EPHA3: variants seen among roughly 807,000 people sequenced by gnomAD.
EPHA3 encodes ephrin type-A receptor 3.
In EPHA3, 42 loss-of-function variants were observed where a neutral mutation model predicts 107.1. The ratio of observed to expected loss-of-function variants is 0.39; its 90% CI spans 0.31 to 0.51. The LOEUF is 0.51. Among genes scored for constraint, EPHA3 ranks in the 20% least tolerant of loss-of-function variants. The probability of loss-of-function intolerance (pLI) is 0.78; values close to 1 mark genes in which losing one functional copy is unlikely to be tolerated. For synonymous variants in EPHA3, 461 were observed against 424.8 expected (o/e 1.09, Z -1.05); for missense variants, 1,183 against 1,211.2 (o/e 0.98, Z 0.35).
chr3:89,434,189 CT>C (rs1709621572), intron 13 of EPHA3, among the ~76,000 whole-genome samples: 3 of 152,018 alleles, frequency 2.0e-5, no homozygotes, highest in Admixed American at 1.3e-4. Flanking sequence ...GTTCTAATTT[CT>C]ATGCCATATT....
chr3:89,159,842 T>C (rs577695140), intron 2 of EPHA3, among the ~76,000 whole-genome samples: 3 of 152,086 alleles, frequency 2.0e-5, no homozygotes, highest in Non-Finnish European at 4.4e-5. Flanking sequence ...TGTGTTGAGG[T>C]ATAAAGGAGA....
chr3:89,140,958 T>G (rs975853659), intron 2 of EPHA3, among the ~76,000 whole-genome samples: 1 of 151,662 alleles, frequency 6.6e-6, no homozygotes, highest in Non-Finnish European at 1.5e-5. Context: ...GTGCTTTCGA[T>G]ATATCATTTC....
intron 3 of EPHA3, among the ~76,000 whole-genome samples, chr3:89,246,471 C>G (rs1705036544): frequency 6.6e-6 from 1 of 151,336 alleles, no homozygotes; most frequent in Non-Finnish European, 1.5e-5. Context: ...TGACATAGGA[C>G]ACAGCTGTCT....
Position 89,211,728 on chromosome 3 carries a change from CT to C in EPHA3, c.814+1210del, listed in dbSNP as rs1559602857. On this transcript the variant is annotated intron_variant, in intron 3 of 16. Transcript: ENST00000336596. ...TCTTCCTCTTCCTCTTCTTCTTTTTCTTCTTCTTCTTCTCCTTCTTCTTCTT... is the reference window on the plus strand; with the variant it reads ...TCTTCCTCTTCCTCTTCTTCTTTTTCTCTTCTTCTTCTCCTTCTTCTTCTT... Among the ~76,000 whole-genome samples, 23 of 9,978 alleles carry C rather than the reference CT, an allele frequency of 2.3e-3. 1 individual carries two copies. The Admixed American group carries it at 0.03, about 13-fold the overall frequency. The allele number at this position is 9,978 out of a possible 152,430, so 6.5% of individuals were successfully genotyped here.
At chr3:89,292,631 T>C (rs1706241100) in intron 3 of EPHA3, among the ~76,000 whole-genome samples, 1 of 152,202 alleles carries the variant, frequency 6.6e-6, no homozygotes, top group South Asian at 2.1e-4. Flanking sequence ...CTTAACTCTA[T>C]TTGATCTATA....
chr3:89,160,258 T>TA (rs1432110748), intron 2 of EPHA3, among the ~76,000 whole-genome samples: 2 of 152,024 alleles, frequency 1.3e-5, no homozygotes, highest in African/African-American at 4.8e-5. Context: ...AAACATATAA[T>TA]AAATACATAA....
At chr3:89,390,375 G>C (rs114966285) in intron 5 of EPHA3, among the ~76,000 whole-genome samples, 2,438 of 152,212 alleles carry the variant, frequency 0.016, 69 homozygotes, top group African/African-American at 0.055. Flanking sequence ...AAGGCAAACA[G>C]ATCACTTGAG....
intron 10 of EPHA3, among the ~76,000 whole-genome samples, chr3:89,415,467 AAT>A (rs71621548): frequency 0.022 from 2,830 of 131,514 alleles, 39 homozygotes; most frequent in Non-Finnish European, 0.026. Flanking sequence ...TTACAGAAAG[AAT>A]ATATATATAT....
chr3:89,341,770 C>A lies in EPHA3; in HGVS notation c.986C>A (p.Pro329Gln). Residue 329 changes from proline (P) to glutamine (Q), a missense_variant, in exon 5 of 17, where the codon CCA (proline) becomes CAA (glutamine). Pro to Gln is a moderately conservative substitution (Grantham distance 76, BLOSUM62 -1). Transcript: ENST00000336596. ...SMACTRPPSS[P>Q]RNVISNINET... Reference sequence around the variant, plus strand: ...TACTTTGCAGGACCTCCATCTTCACCAAGAAATGTTATCTCTAATATAAAC... The same window carrying A: ...TACTTTGCAGGACCTCCATCTTCACAAAGAAATGTTATCTCTAATATAAAC... The A allele has an allele frequency of 1.2e-6, 2 of 1,609,606 alleles. No individual in the cohort carries two copies. The highest frequency in any genetic ancestry group is 1.7e-6 in the Non-Finnish European group (2 of 1,177,522).
intron 6 of EPHA3, among the ~76,000 whole-genome samples, chr3:89,398,857 C>T (rs555263934): frequency 2.0e-5 from 3 of 152,132 alleles, no homozygotes; most frequent in African/African-American, 7.2e-5. Context: ...GGGACAGGTG[C>T]GGTGGCTCAT....
chr3:89,192,501 A>G lies in EPHA3; in HGVS notation c.154-17359A>G, dbSNP rs529532808. Among the ~76,000 whole-genome samples the G allele has an allele frequency of 5.3e-3, 801 of 152,190 alleles. 4 individuals are homozygous for G. The highest frequency in any genetic ancestry group is 8.0e-3 in the Non-Finnish European group (541 of 67,958). ...AGAAATATTTTATGTACCAAAATAT[A>G]TTCATATATGTATACACATCAAGTA... On this transcript the variant is annotated intron_variant, in intron 2 of 16. Transcript: ENST00000336596.
Position 89,363,339 on chromosome 3 carries a change from G to A in EPHA3, c.1306+21249G>A, listed in dbSNP as rs543372101. On this transcript the variant is annotated intron_variant, in intron 5 of 16. Coordinates refer to ENST00000336596, the MANE Select transcript of EPHA3 (RefSeq NM_005233.6). ...TTAAGGAATAGGCTCATGTGATTGT[G>A]GAGGCTGCCAAATCCACAGACTGCA... is the stretch of plus-strand genomic sequence containing the variant. 8.2e-4 allele frequency among the ~76,000 whole-genome samples: 124 copies of A among 150,750 alleles called. 1 individual carries two copies. The highest frequency in any genetic ancestry group is 2.9e-3 in the African/African-American group (120 of 41,396).
At chr3:89,260,558 G>GT (rs1473480332) in intron 3 of EPHA3, among the ~76,000 whole-genome samples, 1 of 151,944 alleles carries the variant, frequency 6.6e-6, no homozygotes, top group Non-Finnish European at 1.5e-5. Context: ...GAGTTGTAGG[G>GT]TTTTTTAATA....
At chr3:89,117,919 T>C (rs1707293734) in intron 1 of EPHA3, among the ~76,000 whole-genome samples, 1 of 152,082 alleles carries the variant, frequency 6.6e-6, no homozygotes. Flanking sequence ...TTTGCTTTTT[T>C]TACAGAATAA....
At chr3:89,176,296 A>G (rs1012280981) in intron 2 of EPHA3, among the ~76,000 whole-genome samples, 13 of 151,988 alleles carry the variant, frequency 8.6e-5, no homozygotes, top group Admixed American at 7.9e-4. Flanking sequence ...AGCCTGGCCA[A>G]CATATAGTGA....
At chr3:89,262,041 AGTTT>A (rs1446067795) in intron 3 of EPHA3, among the ~76,000 whole-genome samples, 1 of 152,096 alleles carries the variant, frequency 6.6e-6, no homozygotes, top group African/African-American at 2.4e-5. Context: ...AATATGCAAT[AGTTT>A]AAGTCACAAT....
At chr3:89,109,528 T>C (rs998446243) in intron 1 of EPHA3, among the ~76,000 whole-genome samples, 1 of 151,986 alleles carries the variant, frequency 6.6e-6, no homozygotes, top group Non-Finnish European at 1.5e-5. Flanking sequence ...GAATTAATTA[T>C]GCACAAGAAT....
intron 2 of EPHA3, among the ~76,000 whole-genome samples, chr3:89,170,954 T>A (rs2107096717): frequency 6.6e-6 from 1 of 151,782 alleles, no homozygotes; most frequent in South Asian, 2.1e-4. Context: ...TTTTTTTTTT[T>A]AAGAATTGAA....
At chr3:89,269,167 G>A (rs62274984) in intron 3 of EPHA3, among the ~76,000 whole-genome samples, 33,336 of 151,908 alleles carry the variant, frequency 0.22, 3,982 homozygotes, top group Non-Finnish European at 0.27. Context: ...AGTGCCTTAC[G>A]TGGGGTAAAC....
Sources: allele counts gnomAD v4.1 joint callset (sites outside exome capture counted in the v4.1 genomes callset), GRCh38; gene constraint gnomAD v4.1.1; transcripts MANE v1.5; gene names NCBI Gene and HGNC (gene_info 2026-07-23, HGNC 2026-07-21).